TIAM1: variants seen among roughly 807,000 people sequenced by gnomAD.
The protein encoded by TIAM1 is TIAM Rac1 associated GEF 1, also known as rho guanine nucleotide exchange factor TIAM1.
TIAM1 carries 65 observed loss-of-function variants against 163.5 expected under a neutral mutation model. The ratio of observed to expected loss-of-function variants is 0.40; its 90% CI spans 0.33 to 0.49. The LOEUF (loss-of-function observed/expected upper bound fraction) is 0.49. TIAM1 is among the 20% of genes least tolerant of loss of function. The probability of loss-of-function intolerance (pLI) is 0.77; values close to 1 mark genes in which losing one functional copy is unlikely to be tolerated. For synonymous variants in TIAM1, 833 were observed against 810.1 expected (o/e 1.03, Z -0.48); for missense variants, 1,789 against 2,044.7 (o/e 0.87, Z 2.41).
In TIAM1 at chr21:31,188,395, G is replaced by GT. The variant is rs149476694; in HGVS notation, c.2576-1309dup. Among the ~76,000 whole-genome samples the GT allele has an allele frequency of 5.8e-3, 885 of 152,154 alleles. 4 individuals carry two copies. Among genetic ancestry groups the GT allele is most frequent in the African/African-American group, 0.02 (831 of 41,486 alleles). ...ATATTTTTACACAAGAACCATTTAA[G>GT]TTACATTAGCCTTAACACAGGTGTA... On this transcript the variant is annotated intron_variant, in intron 13 of 27. Coordinates refer to ENST00000541036, the MANE Select transcript of TIAM1 (RefSeq NM_001353694.2).
At chr21:31,516,325 T>G (rs1011400188) in intron 1 of TIAM1, among the ~76,000 whole-genome samples, 2 of 152,020 alleles carry the variant, frequency 1.3e-5, no homozygotes, top group Non-Finnish European at 2.9e-5. Flanking sequence ...GGCAGGAGAA[T>G]TGTTTGAACC....
intron 2 of TIAM1, among the ~76,000 whole-genome samples, chr21:31,379,954 T>G (rs117810103): frequency 0.017 from 2,562 of 152,216 alleles, 33 homozygotes; most frequent in South Asian, 0.028. Flanking sequence ...TGGCAAAACT[T>G]TATAAATGTA....
chr21:31,284,464 G>A (rs2073710327), intron 2 of TIAM1, among the ~76,000 whole-genome samples: 1 of 152,116 alleles, frequency 6.6e-6, no homozygotes, highest in Non-Finnish European at 1.5e-5. Context: ...GGGGTGGAGG[G>A]TAAACAGAGC....
chr21:31,210,070 C>T lies in TIAM1; in HGVS notation c.2363G>A (p.Arg788Gln), dbSNP rs539809873. 44 of 1,614,048 alleles carry T rather than the reference C, an allele frequency of 2.7e-5. No individual in the cohort carries two copies. The Middle Eastern group carries it at 5.0e-4, about 18-fold the overall frequency. Reference sequence around the variant, plus strand: ...CTTGCAAATCAGCTCCAGGGTGTCCCGTGCAGTGTCGCCTGGCCGGACGAC... The same window carrying T: ...CTTGCAAATCAGCTCCAGGGTGTCCTGTGCAGTGTCGCCTGGCCGGACGAC... ...LTVVRPGDTA[R>Q]DTLELICKTH... Residue 788 changes from arginine to glutamine, a missense_variant, in exon 11 of 28, where the codon CGG becomes CAG. Arg to Gln is a conservative substitution (Grantham distance 43). Transcript: ENST00000541036.
chr21:31,488,525 A>C (rs1417502282), intron 1 of TIAM1, among the ~76,000 whole-genome samples: 1 of 152,214 alleles, frequency 6.6e-6, no homozygotes, highest in Non-Finnish European at 1.5e-5. Flanking sequence ...TGGGTAATTT[A>C]TAAAGGAAAG....
At chr21:31,127,203 T>G in intron 25 of TIAM1, 51 bp from the exon 26 acceptor site, 1 of 1,567,728 alleles carries the variant, frequency 6.4e-7, no homozygotes, top group Non-Finnish European at 8.8e-7. Context: ...AGTGGATTTA[T>G]TTACATGTTT....
intron 14 of TIAM1, among the ~76,000 whole-genome samples, chr21:31,185,629 TATC>T (rs2085266677): frequency 1.4e-5 from 2 of 145,350 alleles, no homozygotes; most frequent in African/African-American, 5.0e-5. Context: ...ATATATTATA[TATC>T]ATTATATGAT....
intron 2 of TIAM1, among the ~76,000 whole-genome samples, chr21:31,362,267 T>C (rs1264851078): frequency 1.3e-5 from 2 of 151,956 alleles, no homozygotes; most frequent in African/African-American, 4.8e-5. Context: ...CTCTCTCTGG[T>C]GTCACTGGAC....
chr21:31,220,290 A>C (rs2087482617), intron 8 of TIAM1, among the ~76,000 whole-genome samples: 1 of 152,226 alleles, frequency 6.6e-6, no homozygotes, highest in African/African-American at 2.4e-5. Flanking sequence ...TGTTCACTAT[A>C]GTCCTAATCA....
rs974598977 is a variant in TIAM1 at position 31,296,666 on chromosome 21, A to AT, written c.-188-19759dup. 6.2e-4 allele frequency among the ~76,000 whole-genome samples: 91 copies of AT among 146,868 alleles called. 1 individual carries two copies. In the Middle Eastern group the frequency reaches 0.021, roughly 34 times the overall value. On this transcript the variant is annotated intron_variant, in intron 2 of 27. Coordinates refer to ENST00000541036, the MANE Select transcript of TIAM1 (RefSeq NM_001353694.2). ...AGTTTCAATTTGAGATTGGACTGGAATTTTTTTTTTTTCTTGAGACAGAGT... is the reference window on the plus strand; with the variant it reads ...AGTTTCAATTTGAGATTGGACTGGAATTTTTTTTTTTTTCTTGAGACAGAGT...
intron 1 of TIAM1, among the ~76,000 whole-genome samples, chr21:31,534,846 G>A (rs1330817381): frequency 6.6e-6 from 1 of 152,110 alleles, no homozygotes; most frequent in Non-Finnish European, 1.5e-5. Flanking sequence ...CCAGGGCCAG[G>A]CATGGTGCAA....
chr21:31,438,177 ATCTTTTTTTTT>A (rs1488054255), intron 2 of TIAM1, among the ~76,000 whole-genome samples: 20 of 99,658 alleles, frequency 2.0e-4, no homozygotes, highest in Non-Finnish European at 3.6e-4. Context: ...CGTATTTGTG[ATCTTTTTTTTT>A]TTTTTTTTTT....
chr21:31,144,751 C>T (rs750646259), intron 20 of TIAM1, among the ~76,000 whole-genome samples: 1 of 147,028 alleles, frequency 6.8e-6, no homozygotes, highest in Non-Finnish European at 1.5e-5. Flanking sequence ...ATCACTTGAA[C>T]CTGGGAGGCA....
chr21:31,316,459 A>C (rs1444583881), intron 2 of TIAM1, among the ~76,000 whole-genome samples: 3 of 152,240 alleles, frequency 2.0e-5, no homozygotes, highest in Admixed American at 2.0e-4. Flanking sequence ...GGGCTAAATC[A>C]AAAACTGCAT....
intron 20 of TIAM1, among the ~76,000 whole-genome samples, chr21:31,144,882 C>A (rs2083039259): frequency 6.7e-6 from 1 of 149,820 alleles, no homozygotes; most frequent in Non-Finnish European, 1.5e-5. Flanking sequence ...GGGTCATTCC[C>A]ACTGTTTTAA....
intron 2 of TIAM1, among the ~76,000 whole-genome samples, chr21:31,424,442 T>A (rs748769281): frequency 1.3e-5 from 2 of 152,176 alleles, no homozygotes; most frequent in African/African-American, 4.8e-5. Context: ...AGACGTTCCA[T>A]GGAATATTAT....
intron 2 of TIAM1, among the ~76,000 whole-genome samples, chr21:31,331,428 G>A (rs2075675564): frequency 2.0e-5 from 3 of 152,190 alleles, no homozygotes; most frequent in Admixed American, 2.0e-4. Context: ...GAAAAATGAG[G>A]AAGGAGGATG....
chr21:31,545,578 A>ATATAAGACT (rs1489486774), intron 1 of TIAM1, among the ~76,000 whole-genome samples: 1 of 152,216 alleles, frequency 6.6e-6, no homozygotes, highest in African/African-American at 2.4e-5. Flanking sequence ...GGGACTGTGG[A>ATATAAGACT]TATAAGACTA....
intron 7 of TIAM1, among the ~76,000 whole-genome samples, chr21:31,225,307 A>G (rs77091723): frequency 5.8e-4 from 88 of 152,262 alleles, no homozygotes; most frequent in Admixed American, 1.4e-3. Flanking sequence ...GGCCAGATAT[A>G]TATTTTTAAT....
Sources: allele counts gnomAD v4.1 joint callset (sites outside exome capture counted in the v4.1 genomes callset), GRCh38; gene constraint gnomAD v4.1.1; transcripts MANE v1.5; gene names NCBI Gene and HGNC (gene_info 2026-07-23, HGNC 2026-07-21).